IQSEC1: variants seen among roughly 807,000 people sequenced by gnomAD.
IQSEC1 encodes the protein IQ motif and Sec7 domain ArfGEF 1.
IQSEC1 carries 31 observed loss-of-function variants against 91.0 expected under a neutral mutation model. The observed-to-expected ratio is 0.34, with a 90% CI of 0.26 to 0.46. The LOEUF (loss-of-function observed/expected upper bound fraction) is 0.46, where lower values mean the gene tolerates loss of function less well. Among genes scored for constraint, IQSEC1 ranks in the 20% least tolerant of loss-of-function variants. The pLI is 1.00. For missense variants in IQSEC1, 1,388 were observed against 1,575.6 expected, an observed-to-expected ratio of 0.88 and a Z score of 2.02; for synonymous variants, 699 against 662.6, an observed-to-expected ratio of 1.05 and a Z score of -0.84.
At chr3:13,036,153 G>C (rs1704027748) in intron 1 of IQSEC1, among the ~76,000 whole-genome samples, 1 of 152,142 alleles carries the variant, frequency 6.6e-6, no homozygotes, top group African/African-American at 2.4e-5. Context: ...GGGGTGATGT[G>C]TTACACCGTC....
At chr3:12,911,835 G>A (rs1695587184) in intron 9 of IQSEC1, 107 bp from the exon 10 acceptor site, 2 of 777,584 alleles carry the variant, frequency 2.6e-6, no homozygotes, top group Non-Finnish European at 4.5e-6. Context: ...AGGAGGACAG[G>A]GACAAGCCCA....
intron 1 of IQSEC1, among the ~76,000 whole-genome samples, chr3:13,278,257 C>T (rs762493580): frequency 2.0e-4 from 31 of 152,124 alleles, no homozygotes; most frequent in African/African-American, 6.8e-4. Context: ...TTCCCCCCCC[C>T]ACCCCCAGCC....
intron 1 of IQSEC1, among the ~76,000 whole-genome samples, chr3:12,955,334 G>A (rs1415520561): frequency 1.3e-5 from 2 of 152,238 alleles, no homozygotes; most frequent in Non-Finnish European, 2.9e-5. Context: ...GAGGCCTGCC[G>A]GGCTGGGCCG....
At chr3:13,231,703 G>C (rs1262310291) in intron 1 of IQSEC1, among the ~76,000 whole-genome samples, 2 of 152,228 alleles carry the variant, frequency 1.3e-5, no homozygotes, top group African/African-American at 2.4e-5. Context: ...TAATGAATGT[G>C]AATGTTTCTT....
At chr3:12,959,669 T>G (rs1360251495) in intron 1 of IQSEC1, among the ~76,000 whole-genome samples, 2 of 152,186 alleles carry the variant, frequency 1.3e-5, no homozygotes, top group South Asian at 2.1e-4. Context: ...CCCAGTGACA[T>G]GACTTTTCCA....
At chr3:13,131,887 C>T (rs1706627001) in intron 2 of IQSEC1, among the ~76,000 whole-genome samples, 1 of 151,824 alleles carries the variant, frequency 6.6e-6, no homozygotes, top group African/African-American at 2.4e-5. Flanking sequence ...TATAATGGTC[C>T]CATTGTAGTT....
chr3:12,996,259 T>C (rs1415745343), intron 1 of IQSEC1, among the ~76,000 whole-genome samples: 1 of 152,182 alleles, frequency 6.6e-6, no homozygotes, highest in Non-Finnish European at 1.5e-5. Flanking sequence ...CATATACTTT[T>C]GTTGTCAGTG....
At chr3:12,986,479 G>T (rs1701741143) in intron 1 of IQSEC1, among the ~76,000 whole-genome samples, 6 of 152,228 alleles carry the variant, frequency 3.9e-5, no homozygotes, top group Admixed American at 3.9e-4. Flanking sequence ...TGAAACAGGT[G>T]AATCTTTCCT....
Position 12,899,504 on chromosome 3 carries a change from A to T in IQSEC1, c.*1479T>A. The T allele has an allele frequency of 6.4e-7, 1 of 1,565,634 alleles. No individual in the cohort carries two copies. Among genetic ancestry groups the T allele is most frequent in the South Asian group, 1.2e-5 (1 of 86,416 alleles). ...GTGCAGGTCTGGCCCTGGGGAGCGC[A>T]TGGTGTCACCACAACACAGAAGCGA... On this transcript the variant is annotated 3_prime_UTR_variant, in exon 14 of 14. Transcript: ENST00000613206.
intron 1 of IQSEC1, among the ~76,000 whole-genome samples, chr3:13,071,353 G>A (rs952870056): frequency 3.3e-5 from 5 of 152,054 alleles, no homozygotes; most frequent in African/African-American, 9.7e-5. Flanking sequence ...CTGAGCATTG[G>A]AGGCAAGCAG....
At chr3:13,276,245 C>CGCCA (rs1308578741) in intron 1 of IQSEC1, among the ~76,000 whole-genome samples, 2 of 151,912 alleles carry the variant, frequency 1.3e-5, no homozygotes, top group South Asian at 4.2e-4. Flanking sequence ...CCTGCCACTG[C>CGCCA]GCCAGGCTAA....
intron 1 of IQSEC1, among the ~76,000 whole-genome samples, chr3:12,968,685 G>A (rs529516961): frequency 2.6e-5 from 4 of 152,250 alleles, no homozygotes; most frequent in South Asian, 2.1e-4. Flanking sequence ...AGTGCCCAGC[G>A]CCCACACCTG....
At chr3:12,971,222 C>T (rs1048333178) in intron 1 of IQSEC1, among the ~76,000 whole-genome samples, 1 of 152,194 alleles carries the variant, frequency 6.6e-6, no homozygotes, top group African/African-American at 2.4e-5. Context: ...AAACCCCCTG[C>T]GTGTTCAGCC....
chr3:12,944,563 G>C (rs1699045300), intron 1 of IQSEC1, among the ~76,000 whole-genome samples: 1 of 152,148 alleles, frequency 6.6e-6, no homozygotes, highest in African/African-American at 2.4e-5. Flanking sequence ...CCTCCGGCTC[G>C]CCTCGTCTTT....
intron 1 of IQSEC1, among the ~76,000 whole-genome samples, chr3:13,258,394 A>T (rs1188427784): frequency 4.6e-5 from 7 of 152,142 alleles, no homozygotes; most frequent in Non-Finnish European, 7.3e-5. Flanking sequence ...AAAATCTAGA[A>T]CTCAGGGCCA....
At chr3:13,146,587 C>T (rs1029316849) in intron 2 of IQSEC1, among the ~76,000 whole-genome samples, 6 of 152,202 alleles carry the variant, frequency 3.9e-5, no homozygotes, top group African/African-American at 1.4e-4. Context: ...TGCCTGTCAT[C>T]CCAGCACTTT....
At position 12,918,236 on chromosome 3, in the gene IQSEC1, G is replaced by A. The variant is rs528269330; in HGVS notation, c.2020+2194C>T. Among the ~76,000 whole-genome samples, 7 of 152,350 alleles carry A rather than the reference G, an allele frequency of 4.6e-5. No homozygotes were observed. The South Asian group carries it at 1.4e-3, about 32-fold the overall frequency. On this transcript the variant is annotated intron_variant, in intron 6 of 13. Coordinates refer to ENST00000613206, the MANE Select transcript of IQSEC1 (RefSeq NM_001134382.3). The stretch of plus-strand genomic sequence containing the variant: ...GACTTGGTGGGGACAGCCCAGGCTT[G>A]GGAGACAGAACCTGCAGCTCCCTTC...
At chr3:13,123,199 C>T (rs989805016) in intron 2 of IQSEC1, among the ~76,000 whole-genome samples, 1 of 152,320 alleles carries the variant, frequency 6.6e-6, no homozygotes, top group Non-Finnish European at 1.5e-5. Context: ...CACGGAAGGC[C>T]TTTGAAGGTT....
intron 1 of IQSEC1, among the ~76,000 whole-genome samples, chr3:12,965,340 A>T (rs2125508247): frequency 6.6e-6 from 1 of 152,278 alleles, no homozygotes; most frequent in African/African-American, 2.4e-5. Flanking sequence ...GCTGCATCCC[A>T]TCCGGGTTTA....
Sources: gnomAD v4.1 joint callset for allele counts (sites outside exome capture counted in the v4.1 genomes callset) on GRCh38, gnomAD v4.1.1 for gene constraint, MANE v1.5 for transcripts, NCBI Gene and HGNC (gene_info 2026-07-23, HGNC 2026-07-21) for gene names.